The following GTF2IRD1 variants were observed in gnomAD, a reference collection of about 807,000 sequenced individuals.
GTF2IRD1 encodes the protein GTF2I repeat domain containing 1.
Under a neutral mutation model 113.2 loss-of-function variants are expected in GTF2IRD1, and 26 were observed. The ratio of observed to expected loss-of-function variants is 0.23; its 90% CI spans 0.17 to 0.32. The LOEUF is 0.32. Among genes scored for constraint, GTF2IRD1 ranks in the 10% least tolerant of loss-of-function variants. The pLI is 1.00. For missense variants in GTF2IRD1, 864 were observed against 1,280.8 expected, an observed-to-expected ratio of 0.67 and a Z score of 4.97; for synonymous variants, 484 against 529.1, an observed-to-expected ratio of 0.91 and a Z score of 1.17.
chr7:74,558,836 G>T (rs1799777088), intron 20 of GTF2IRD1, 25 bp from the exon 21 acceptor site: 1 of 1,598,240 alleles, frequency 6.3e-7, no homozygotes, highest in Non-Finnish European at 8.5e-7. Flanking sequence ...CTCCTGACGG[G>T]CAGGACCCTG....
chr7:74,560,792 G>A (rs1271084948), intron 22 of GTF2IRD1, among the ~76,000 whole-genome samples: 4 of 151,810 alleles, frequency 2.6e-5, no homozygotes, highest in African/African-American at 9.7e-5. Flanking sequence ...TATTGGCTAG[G>A]CTGGTCTCAA....
intron 17 of GTF2IRD1, among the ~76,000 whole-genome samples, chr7:74,552,796 TTTTTG>T (rs1799387664): frequency 6.6e-6 from 1 of 152,012 alleles, no homozygotes; most frequent in Admixed American, 6.6e-5. Flanking sequence ...GAGCATTGGT[TTTTTG>T]TTTTTTGTGG....
At chr7:74,599,991 C>G (rs781958423) in intron 25 of GTF2IRD1, among the ~76,000 whole-genome samples, 1 of 152,200 alleles carries the variant, frequency 6.6e-6, no homozygotes, top group Non-Finnish European at 1.5e-5. Context: ...AGTCCTTTAA[C>G]AGCCCTGCCC....
chr7:74,592,583 A>G (rs1802130226), intron 24 of GTF2IRD1, among the ~76,000 whole-genome samples: 1 of 148,960 alleles, frequency 6.7e-6, no homozygotes. Flanking sequence ...TACTCAGGCT[A>G]GAGTGCAATG....
chr7:74,528,943 GTGGATGGATGGATGGATGGA>G (rs782015964), intron 8 of GTF2IRD1, among the ~76,000 whole-genome samples: 5 of 133,848 alleles, frequency 3.7e-5, no homozygotes, highest in South Asian at 2.5e-4. Context: ...GGGTGGATGG[GTGGATGGATGGATGGATGGA>G]TGGATGGATG....
intron 1 of GTF2IRD1, among the ~76,000 whole-genome samples, chr7:74,485,241 G>A (rs748472352): frequency 2.0e-5 from 3 of 152,204 alleles, no homozygotes; most frequent in Non-Finnish European, 2.9e-5. Context: ...TGGAATGGAT[G>A]TTTGGACACA....
intron 24 of GTF2IRD1, among the ~76,000 whole-genome samples, chr7:74,594,570 C>G (rs1802289623): frequency 6.6e-6 from 1 of 152,104 alleles, no homozygotes. Context: ...ACGTTGTGCC[C>G]CCCATTTTTA....
intron 22 of GTF2IRD1, among the ~76,000 whole-genome samples, chr7:74,587,089 A>G (rs1554368063): frequency 6.6e-6 from 1 of 152,138 alleles, no homozygotes; most frequent in Non-Finnish European, 1.5e-5. Context: ...TCAAGGCTGC[A>G]GTGAGCTATG....
chr7:74,501,080 G>C (rs1304270759), intron 1 of GTF2IRD1, among the ~76,000 whole-genome samples: 1 of 152,176 alleles, frequency 6.6e-6, no homozygotes, highest in East Asian at 1.9e-4. Flanking sequence ...TAGCTGTCCT[G>C]TAGGGCCACA....
At chr7:74,476,782 A>T (rs924513077) in intron 1 of GTF2IRD1, among the ~76,000 whole-genome samples, 20 of 151,878 alleles carry the variant, frequency 1.3e-4, no homozygotes, top group African/African-American at 4.1e-4. Flanking sequence ...ACGCCTGGTC[A>T]CTCCCCACAT....
At chr7:74,524,017 G>T in intron 7 of GTF2IRD1, 54 bp from the exon 8 acceptor site, 1 of 1,260,998 alleles carries the variant, frequency 7.9e-7, no homozygotes, top group Non-Finnish European at 1.1e-6. Context: ...CCGGTGGAGG[G>T]CGTGTGACCG....
At chr7:74,503,166 C>CAAA (rs10626336) in intron 1 of GTF2IRD1, among the ~76,000 whole-genome samples, 15,791 of 140,688 alleles carry the variant, frequency 0.11, 947 homozygotes, top group Middle Eastern at 0.16. Flanking sequence ...GACTCCATCT[C>CAAA]AAAAAAAAAA....
At chr7:74,579,047 C>G (rs11974952) in intron 22 of GTF2IRD1, among the ~76,000 whole-genome samples, 3,574 of 151,656 alleles carry the variant, frequency 0.024, 125 homozygotes, top group African/African-American at 0.065. Flanking sequence ...TAAGGCCCAG[C>G]CTGGTGACTC....
intron 13 of GTF2IRD1, 111 bp from the exon 14 acceptor site, chr7:74,539,768 A>G (rs1309690463): frequency 1.6e-5 from 11 of 682,900 alleles, no homozygotes; most frequent in Non-Finnish European, 2.8e-5. Context: ...AAAGAGACAG[A>G]AAGAAAAGGA....
Position 74,538,729 on chromosome 7 carries a change from G to A in GTF2IRD1, c.1497G>A (p.Glu499=). 1.2e-6 allele frequency: 2 copies of A among 1,603,914 alleles called. No homozygotes were observed. Among genetic ancestry groups the A allele is most frequent in the South Asian group, 1.1e-5 (1 of 90,858 alleles). ...TGAGGCCGATCAAAATTGAGCCAGA[G>A]GATCTGGACATCATTCAGGTCACCG... is the stretch of plus-strand genomic sequence containing the variant. ...GGLRPIKIEP[E]DLDIIQVTVP... Residue 499 remains glutamate, a synonymous_variant, in exon 13 of 27, where the codon GAG becomes GAA. Coordinates refer to ENST00000424337, the MANE Select transcript of GTF2IRD1 (RefSeq NM_005685.4).
At chr7:74,465,269 C>T (rs1453580515) in intron 1 of GTF2IRD1, among the ~76,000 whole-genome samples, 3 of 152,120 alleles carry the variant, frequency 2.0e-5, no homozygotes, top group African/African-American at 7.2e-5. Flanking sequence ...GGTCCACCTC[C>T]CCACCTGCCC....
chr7:74,519,641 GC>G lies in GTF2IRD1; in HGVS notation c.843del (p.Ser282AlafsTer5). ...GCAGGAAGCACCTTCCTGCCCCCTT[GC>G]CCCCAGCGACCTGGGCCTGAGTCGG... ...LKQEAPSCPL[A>X]PSDLGLSRPM... On this transcript the variant is annotated frameshift_variant, in exon 6 of 27. Transcript: ENST00000424337. LOFTEE classifies it high-confidence loss of function. 1 of 1,610,754 alleles carries G rather than the reference GC, an allele frequency of 6.2e-7. No homozygotes were observed. Among genetic ancestry groups the G allele is most frequent in the Non-Finnish European group, 8.5e-7 (1 of 1,178,826 alleles).
intron 22 of GTF2IRD1, among the ~76,000 whole-genome samples, chr7:74,568,348 AAAAAAAAG>A (rs1430088368): frequency 6.7e-6 from 1 of 149,422 alleles, no homozygotes; most frequent in Non-Finnish European, 1.5e-5. Flanking sequence ...AAAAAAAAAA[AAAAAAAAG>A]AAGGAGAAAG....
At chr7:74,476,705 A>G (rs1356392219) in intron 1 of GTF2IRD1, among the ~76,000 whole-genome samples, 2 of 152,064 alleles carry the variant, frequency 1.3e-5, no homozygotes, top group Non-Finnish European at 2.9e-5. Context: ...TTCCCCACTG[A>G]ACAGCCACCC....
Sources: gnomAD v4.1 joint callset for allele counts (sites outside exome capture counted in the v4.1 genomes callset) on GRCh38, gnomAD v4.1.1 for gene constraint, MANE v1.5 for transcripts, NCBI Gene and HGNC (gene_info 2026-07-23, HGNC 2026-07-21) for gene names.